Variants in DKK2 observed in about 807,000 individuals in gnomAD.
DKK2 encodes dickkopf Wnt signaling pathway inhibitor 2.
DKK2 carries 11 observed loss-of-function variants against 28.1 expected under a neutral mutation model. The ratio of observed to expected loss-of-function variants is 0.39; its 90% CI spans 0.25 to 0.65. The LOEUF (loss-of-function observed/expected upper bound fraction) is 0.65. DKK2 is among the 30% of genes least tolerant of loss of function. The pLI, the probability that DKK2 is intolerant of heterozygous loss-of-function variation, is 0.47. For missense variants in DKK2, 326 were observed against 335.5 expected (o/e 0.97, Z 0.22); for synonymous variants, 135 against 126.5 (o/e 1.07, Z -0.45).
At chr4:107,012,932 A>G (rs1177664436) in intron 1 of DKK2, among the ~76,000 whole-genome samples, 1 of 150,460 alleles carries the variant, frequency 6.6e-6, no homozygotes, top group African/African-American at 2.4e-5. Flanking sequence ...ATATTTTTCA[A>G]TATTTTAAGT....
intron 1 of DKK2, among the ~76,000 whole-genome samples, chr4:106,964,323 G>A (rs949377201): frequency 2.0e-5 from 3 of 152,118 alleles, no homozygotes; most frequent in Non-Finnish European, 4.4e-5. Context: ...CCTGGAGGTC[G>A]AAAGTAGCAT....
chr4:106,937,259 A>T (rs371898017), intron 1 of DKK2, among the ~76,000 whole-genome samples: 1 of 140,254 alleles, frequency 7.1e-6, no homozygotes, highest in Non-Finnish European at 1.5e-5. Flanking sequence ...TCAAAATAAA[A>T]GGATGGAGGA....
intron 1 of DKK2, among the ~76,000 whole-genome samples, chr4:106,988,172 C>A (rs963750769): frequency 6.6e-5 from 10 of 152,244 alleles, no homozygotes; most frequent in South Asian, 2.1e-4. Flanking sequence ...CCCAATGTTA[C>A]CCTCTTCTTG....
At chr4:106,943,620 T>C (rs892929729) in intron 1 of DKK2, among the ~76,000 whole-genome samples, 8 of 152,122 alleles carry the variant, frequency 5.3e-5, no homozygotes, top group Non-Finnish European at 1.2e-4. Context: ...GTGAGTACTT[T>C]TGCAGTCAGC....
At chr4:107,027,593 C>T (rs889279334) in intron 1 of DKK2, among the ~76,000 whole-genome samples, 1 of 152,068 alleles carries the variant, frequency 6.6e-6, no homozygotes, top group Non-Finnish European at 1.5e-5. Context: ...TTGGCCAATA[C>T]ACTATGTAGA....
intron 1 of DKK2, among the ~76,000 whole-genome samples, chr4:106,937,699 T>C (rs564365121): frequency 0.032 from 4,640 of 143,964 alleles, 92 homozygotes; most frequent in African/African-American, 0.041. Context: ...TATTCCAAAA[T>C]TGACCACATA....
At chr4:106,939,418 G>T (rs143965719) in intron 1 of DKK2, among the ~76,000 whole-genome samples, 9,323 of 151,992 alleles carry the variant, frequency 0.061, 312 homozygotes, top group Non-Finnish European at 0.073. Flanking sequence ...GAAGGAACTC[G>T]TCAAGGAGAA....
At chr4:106,941,067 C>G (rs1429976804) in intron 1 of DKK2, among the ~76,000 whole-genome samples, 1 of 151,798 alleles carries the variant, frequency 6.6e-6, no homozygotes, top group South Asian at 2.1e-4. Flanking sequence ...ATGTAACTAA[C>G]CTGCACAATG....
chr4:106,933,885 G>A (rs1724537695), intron 1 of DKK2, among the ~76,000 whole-genome samples: 2 of 152,114 alleles, frequency 1.3e-5, no homozygotes, highest in African/African-American at 2.4e-5. Flanking sequence ...AAACACTTGT[G>A]AGTTTTAAAT....
At chr4:107,031,150 A>C (rs550078823) in intron 1 of DKK2, among the ~76,000 whole-genome samples, 1 of 152,152 alleles carries the variant, frequency 6.6e-6, no homozygotes, top group East Asian at 1.9e-4. Context: ...AAGGAACGTT[A>C]ATGTAGATTA....
At chr4:107,016,291 G>A (rs1354108057) in intron 1 of DKK2, among the ~76,000 whole-genome samples, 1 of 151,910 alleles carries the variant, frequency 6.6e-6, no homozygotes, top group Non-Finnish European at 1.5e-5. Flanking sequence ...CACAGTTAAC[G>A]TGTGGAAAAT....
intron 1 of DKK2, among the ~76,000 whole-genome samples, chr4:106,963,366 G>A (rs1277448969): frequency 6.6e-6 from 1 of 150,924 alleles, no homozygotes; most frequent in Non-Finnish European, 1.5e-5. Context: ...AAAAAAAAGA[G>A]GCAAAAAATC....
intron 1 of DKK2, among the ~76,000 whole-genome samples, chr4:106,931,879 C>T (rs1389494603): frequency 6.6e-6 from 1 of 152,134 alleles, no homozygotes; most frequent in African/African-American, 2.4e-5. Context: ...ATGCCCTGAT[C>T]AATCATTAAA....
chr4:107,035,708 T>C lies in DKK2; in HGVS notation c.-117A>G, dbSNP rs1039432139. 3.0e-5 allele frequency: 30 copies of C among 1,011,510 alleles called. No homozygotes were observed. The highest frequency in any genetic ancestry group is 2.5e-4 in the Admixed American group (12 of 48,440). 62.7% of individuals were successfully genotyped at this position (1,011,510 alleles called of 1,614,324 possible). A position where few individuals can be genotyped will look rare whatever the true frequency, so the allele number is the denominator to read the frequency against. On this transcript the variant is annotated 5_prime_UTR_variant, in exon 1 of 4. Transcript: ENST00000285311. ...GGTCGCGGGGGCTTGCAGATTGTGT[T>C]CCCTCAACCCTTCCTGGTTCGGGGA...
intron 1 of DKK2, among the ~76,000 whole-genome samples, chr4:107,011,201 G>A (rs2110369112): frequency 6.6e-6 from 1 of 151,580 alleles, no homozygotes; most frequent in African/African-American, 2.4e-5. Flanking sequence ...TTGCAATATG[G>A]AATCTGAAAC....
At chr4:106,954,972 A>T (rs757473891) in intron 1 of DKK2, among the ~76,000 whole-genome samples, 16 of 152,322 alleles carry the variant, frequency 1.1e-4, no homozygotes, top group Non-Finnish European at 2.1e-4. Context: ...CCCATTGTGG[A>T]CAATGACCTC....
intron 1 of DKK2, among the ~76,000 whole-genome samples, chr4:107,034,705 AGTT>A (rs1386841786): frequency 6.6e-6 from 1 of 151,944 alleles, no homozygotes; most frequent in African/African-American, 2.4e-5. Context: ...CGTCTACTGG[AGTT>A]GTTTTGTCTG....
At chr4:107,014,872 T>C (rs1723572075) in intron 1 of DKK2, among the ~76,000 whole-genome samples, 1 of 151,282 alleles carries the variant, frequency 6.6e-6, no homozygotes, top group African/African-American at 2.4e-5. Flanking sequence ...GCCATTGTAT[T>C]TCAAATCTTC....
chr4:106,970,926 C>A (rs563499643), intron 1 of DKK2, among the ~76,000 whole-genome samples: 3 of 152,138 alleles, frequency 2.0e-5, no homozygotes, highest in African/African-American at 4.8e-5. Context: ...TCCAAAATGT[C>A]AACATTTGGA....
Sources: gnomAD v4.1 joint callset for allele counts (sites outside exome capture counted in the v4.1 genomes callset) on GRCh38, gnomAD v4.1.1 for gene constraint, MANE v1.5 for transcripts, NCBI Gene and HGNC (gene_info 2026-07-23, HGNC 2026-07-21) for gene names.